Variants in BSN observed in about 807,000 individuals in gnomAD.
BSN encodes bassoon presynaptic cytomatrix protein, also known as protein bassoon.
BSN carries 57 observed loss-of-function variants against 264.8 expected under a neutral mutation model. That is an observed-to-expected ratio of 0.22 (90% CI 0.17 to 0.27). The LOEUF (loss-of-function observed/expected upper bound fraction) is 0.27. BSN is among the 10% of genes least tolerant of loss of function. The pLI is 1.00. For missense variants in BSN, 4,615 were observed against 5,232.5 expected, an observed-to-expected ratio of 0.88 and a Z score of 3.64; for synonymous variants, 2,059 against 2,137.3, an observed-to-expected ratio of 0.96 and a Z score of 1.01.
chr3:49,581,272 A>G (rs1220122529), intron 1 of BSN, among the ~76,000 whole-genome samples: 1 of 152,206 alleles, frequency 6.6e-6, no homozygotes, highest in Non-Finnish European at 1.5e-5. Flanking sequence ...GGCATGAGCC[A>G]CTGCGCCTGG....
In BSN at chr3:49,654,712, A is replaced by G. The variant is rs2052580191; in HGVS notation, c.5156A>G (p.Asn1719Ser). Reference sequence around the variant, plus strand: ...GTGCAGCCCTTGGTTATCAACCTCAATGCCCAGGAGCATACCTTCCTTGCT... The same window carrying G: ...GTGCAGCCCTTGGTTATCAACCTCAGTGCCCAGGAGCATACCTTCCTTGCT... The part of the protein sequence containing the change: ...TAVQPLVINL[N>S]AQEHTFLATA... Residue 1719 changes from asparagine to serine, a missense_variant, in exon 5 of 12, where the codon AAT becomes AGT. By Grantham distance (46) the Asn-to-Ser change is conservative (BLOSUM62 1). This residue lies in a region of BSN where 3,415 missense variants were observed against 3,866.4 expected (regional missense o/e 0.88). Transcript: ENST00000296452. This position sits in a 1 kb window ranked among gnomAD's most constrained non-coding sequence, Gnocchi z 4.1. The G allele has an allele frequency of 6.2e-7, 1 of 1,613,660 alleles. No individual in the cohort carries two copies. Among genetic ancestry groups the G allele is most frequent in the Non-Finnish European group, 8.5e-7 (1 of 1,180,002 alleles).
intron 8 of BSN, among the ~76,000 whole-genome samples, chr3:49,664,142 G>A (rs1231163517): frequency 6.6e-6 from 1 of 152,188 alleles, no homozygotes; most frequent in Non-Finnish European, 1.5e-5. Context: ...AGCACAGGGT[G>A]GGGACCATGG....
chr3:49,648,497 G>A (rs2052516219), intron 3 of BSN, among the ~76,000 whole-genome samples: 1 of 152,170 alleles, frequency 6.6e-6, no homozygotes, highest in Non-Finnish European at 1.5e-5. Flanking sequence ...ATCTCTCCAG[G>A]GTCATTTTGC....
At chr3:49,576,972 C>G (rs1256912079) in intron 1 of BSN, among the ~76,000 whole-genome samples, 1 of 152,220 alleles carries the variant, frequency 6.6e-6, no homozygotes, top group Non-Finnish European at 1.5e-5. Context: ...CTCTGGAACT[C>G]TTCTCCAAAG....
chr3:49,640,300 G>A (rs1335890777), intron 2 of BSN, among the ~76,000 whole-genome samples: 1 of 152,170 alleles, frequency 6.6e-6, no homozygotes, highest in Non-Finnish European at 1.5e-5. Context: ...AGCCCCTCTG[G>A]GATGAGCCCT....
At chr3:49,589,845 T>C (rs1222991343) in intron 1 of BSN, among the ~76,000 whole-genome samples, 1 of 67,906 alleles carries the variant, frequency 1.5e-5, no homozygotes, top group Non-Finnish European at 3.3e-5. Flanking sequence ...TTTTTCTTTG[T>C]TTTTTTTTTT....
At chr3:49,635,278 C>T (rs976031865) in intron 2 of BSN, among the ~76,000 whole-genome samples, 1 of 152,032 alleles carries the variant, frequency 6.6e-6, no homozygotes, top group African/African-American at 2.4e-5. Context: ...GATCTGGGCT[C>T]CCCAGCACTG....
intron 1 of BSN, among the ~76,000 whole-genome samples, chr3:49,555,811 G>A (rs1282958012): frequency 6.6e-6 from 1 of 152,236 alleles, no homozygotes; most frequent in Non-Finnish European, 1.5e-5. Context: ...GGTGCTTCCA[G>A]CTCCATGTGG....
rs2052338093 is a variant in BSN, at chr3:49,625,778, A to C, written c.633+395A>C. Among the ~76,000 whole-genome samples the C allele has an allele frequency of 6.6e-6, 1 of 152,346 alleles. No individual in the cohort carries two copies. Among genetic ancestry groups the C allele is most frequent in the African/African-American group, 2.4e-5 (1 of 41,594 alleles). ...AGAGGGAGGCAAATTTCCCTGATCT[A>C]GGCCAGGAGGCCTCTGTCTTTGACA... On this transcript the variant is annotated intron_variant, in intron 2 of 11. Coordinates refer to ENST00000296452, the MANE Select transcript of BSN (RefSeq NM_003458.4). This position sits in a 1 kb window ranked among gnomAD's most constrained non-coding sequence, Gnocchi z 4.4.
rs1441262778 is a variant in BSN, at chr3:49,670,294, A to G, written c.*2809A>G. On this transcript the variant is annotated 3_prime_UTR_variant, in exon 12 of 12. Transcript: ENST00000296452. ...CCAAGGCAATAGTCCTTTCCACTAC[A>G]GGCCAGGGGATGGGACAAGAAGTAG... is the stretch of plus-strand genomic sequence containing the variant. 1 of 152,292 alleles carries G rather than the reference A, an allele frequency of 6.6e-6. No individual in the cohort carries two copies. Among genetic ancestry groups the G allele is most frequent in the Admixed American group, 6.5e-5 (1 of 15,288 alleles). 9.4% of individuals were successfully genotyped at this position (152,292 alleles called of 1,614,324 possible).
chr3:49,651,422 C>T lies in BSN; in HGVS notation c.1987-121C>T, dbSNP rs2108080303. 8.8e-7 allele frequency: 1 copy of T among 1,134,824 alleles called. No homozygotes were observed. The highest frequency in any genetic ancestry group is 1.2e-6 in the Non-Finnish European group (1 of 804,466). 70.3% of individuals were successfully genotyped at this position (1,134,824 alleles called of 1,614,324 possible). On this transcript the variant is annotated intron_variant, in intron 4 of 11. Coordinates refer to ENST00000296452, the MANE Select transcript of BSN (RefSeq NM_003458.4). This position sits in a 1 kb window ranked among gnomAD's most constrained non-coding sequence, Gnocchi z 5.4. ...AGAAGGAGATAGGGTGGGTGGCGGG[C>T]CCTAAACCCTTGGGAAATGGACAGA...
chr3:49,607,334 T>C (rs1232991736), intron 1 of BSN, among the ~76,000 whole-genome samples: 1 of 152,200 alleles, frequency 6.6e-6, no homozygotes, highest in Non-Finnish European at 1.5e-5. Flanking sequence ...TTCCTCATGC[T>C]GGGGTGGCCC....
Position 49,572,312 on chromosome 3 carries a change from G to T in BSN, c.224+17486G>T, listed in dbSNP as rs2051803327. On this transcript the variant is annotated intron_variant, in intron 1 of 11. Coordinates refer to ENST00000296452, the MANE Select transcript of BSN (RefSeq NM_003458.4). Reference sequence around the variant, plus strand: ...GGAACCTCTACTCAAACCCAGGTTTGGGCTCCCTAGGGCCTTGAAGTCAGT... The same window carrying T: ...GGAACCTCTACTCAAACCCAGGTTTTGGCTCCCTAGGGCCTTGAAGTCAGT... Among the ~76,000 whole-genome samples, 2 of 152,126 alleles carry T rather than the reference G, an allele frequency of 1.3e-5. 1 individual carries two copies. The highest frequency in any genetic ancestry group is 1.3e-4 in the Admixed American group (2 of 15,272).
chr3:49,591,664 C>T (rs2051978714), intron 1 of BSN, among the ~76,000 whole-genome samples: 1 of 152,068 alleles, frequency 6.6e-6, no homozygotes, highest in Admixed American at 6.6e-5. Context: ...GTGGCATGAT[C>T]TCAGCCTCGA....
At chr3:49,614,808 A>G (rs990518699) in intron 1 of BSN, among the ~76,000 whole-genome samples, 1 of 152,174 alleles carries the variant, frequency 6.6e-6, no homozygotes, top group African/African-American at 2.4e-5. Context: ...TCTGGAGACT[A>G]GCTGGTCCCA....
Position 49,666,479 on chromosome 3 carries a change from T to C in BSN, c.*105-1111T>C, listed in dbSNP as rs535912765. On this transcript the variant is annotated intron_variant, in intron 11 of 11. Coordinates refer to ENST00000296452, the MANE Select transcript of BSN (RefSeq NM_003458.4). ...GAAGCTGACAATCCATTAAAGGAGA[T>C]AGAGAATAAATAAGTTTAAAAATAA... 3.3e-5 allele frequency among the ~76,000 whole-genome samples: 5 copies of C among 152,192 alleles called. 1 individual carries two copies. Among genetic ancestry groups the C allele is most frequent in the Admixed American group, 2.0e-4 (3 of 15,284 alleles).
At chr3:49,623,622 C>T (rs1422504977) in intron 1 of BSN, among the ~76,000 whole-genome samples, 1 of 152,168 alleles carries the variant, frequency 6.6e-6, no homozygotes. Flanking sequence ...GAACTCCAGC[C>T]CCACCCAGCT....
At chr3:49,637,562 G>A (rs2108067887) in intron 2 of BSN, among the ~76,000 whole-genome samples, 1 of 152,266 alleles carries the variant, frequency 6.6e-6, no homozygotes, top group Non-Finnish European at 1.5e-5. Context: ...ACAGCCTCCA[G>A]CTTGGGCCCC....
In BSN at chr3:49,653,200, C is replaced by T; in HGVS notation, c.3644C>T (p.Pro1215Leu). 3 of 1,610,750 alleles carry T rather than the reference C, an allele frequency of 1.9e-6. No homozygotes were observed. Among genetic ancestry groups the T allele is most frequent in the South Asian group, 1.1e-5 (1 of 90,952 alleles). The change falls in exon 5 of 12, where the codon CCC becomes CTC. Residue 1215 changes from proline to leucine, a missense_variant. Transcript: ENST00000296452. This position sits in a 1 kb window ranked among gnomAD's most constrained non-coding sequence, Gnocchi z 6.3. ...GGGGCCCGGGGACCCCATGGCGGCC[C>T]CTCTCAGCCCACAGGCCCCCGGGGC... is the stretch of plus-strand genomic sequence containing the variant. ...AAGARGPHGG[P>L]SQPTGPRGLG... is the part of the protein sequence containing the mutation.
Sources: gnomAD v4.1 joint callset for allele counts (sites outside exome capture counted in the v4.1 genomes callset) on GRCh38, gnomAD v4.1.1 for gene constraint, gnomAD v4.1.1 regional missense constraint, Gnocchi (gnomAD v3.1) non-coding constraint, MANE v1.5 for transcripts, NCBI Gene and HGNC (gene_info 2026-07-23, HGNC 2026-07-21) for gene names.